Variants in OLR1 observed in about 807,000 individuals in gnomAD.
OLR1 encodes the protein oxidized low density lipoprotein receptor 1.
A neutral mutation model predicts 31.7 loss-of-function variants in OLR1; 23 were observed. The observed-to-expected ratio is 0.72, with a 90% confidence interval of 0.52 to 1.03. OLR1 has a LOEUF of 1.03. Ranked by LOEUF, OLR1 falls within the 50% of genes least tolerant of loss-of-function variation. OLR1 has a pLI of 0.00. For synonymous variants in OLR1, 117 were observed against 115.8 expected (o/e 1.01, Z -0.07); for missense variants, 286 against 315.7 (o/e 0.91, Z 0.71).
At chr12:10,167,164 C>T (rs1432980504) in intron 2 of OLR1, 8 of 509,504 alleles carry the variant, frequency 1.6e-5, no homozygotes, top group South Asian at 5.4e-5. Context: ...ATTGCAAACA[C>T]TTGTAATTTT....
rs144606551 is a variant in OLR1 at position 10,161,776 on chromosome 12, A to G, written c.425-851T>C. ...TTTTGAAAACTTAATTTGAAAAAGA[A>G]AAAGAATGTAAAATAGTCCATTAAA... On this transcript the variant is annotated intron_variant, in intron 3 of 5. Coordinates refer to ENST00000309539, the MANE Select transcript of OLR1 (RefSeq NM_002543.4). Among the ~76,000 whole-genome samples the G allele has an allele frequency of 2.7e-3, 408 of 152,250 alleles. 2 individuals carry two copies. The highest frequency in any genetic ancestry group is 8.3e-3 in the African/African-American group (346 of 41,540).
intron 3 of OLR1, 57 bp from the exon 4 acceptor site, chr12:10,160,982 A>G: frequency 2.0e-6 from 3 of 1,524,500 alleles, no homozygotes; most frequent in South Asian, 2.3e-5. Context: ...GCAGTACTGC[A>G]GTTCTTAAAT....
Position 10,158,927 on chromosome 12 carries a change from C to T in OLR1, c.*953G>A, listed in dbSNP as rs1462630464. The T allele has an allele frequency of 6.6e-6, 1 of 152,044 alleles. No individual in the cohort carries two copies. The highest frequency in any genetic ancestry group is 2.4e-5 in the African/African-American group (1 of 41,378). The allele number at this position is 152,044 out of a possible 1,614,324, so 9.4% of individuals were successfully genotyped here. A position where few individuals can be genotyped will look rare whatever the true frequency, so the allele number is the denominator to read the frequency against. On this transcript the variant is annotated 3_prime_UTR_variant, in exon 6 of 6. Transcript: ENST00000309539. Reference sequence around the variant, plus strand: ...AAAATAGAAGATATATTTCTAATTCCATCTGTTTCTATTCAGCGATATTTG... The same window carrying T: ...AAAATAGAAGATATATTTCTAATTCTATCTGTTTCTATTCAGCGATATTTG...
At chr12:10,167,985 A>G (rs1231695488) in intron 2 of OLR1, among the ~76,000 whole-genome samples, 1 of 152,220 alleles carries the variant, frequency 6.6e-6, no homozygotes, top group Non-Finnish European at 1.5e-5. Flanking sequence ...ACCACCACTA[A>G]GTCAAGGGCA....
At chr12:10,169,533 G>A (rs1176056357) in intron 1 of OLR1, among the ~76,000 whole-genome samples, 2 of 152,172 alleles carry the variant, frequency 1.3e-5, no homozygotes, top group African/African-American at 4.8e-5. Context: ...TCACAGTCTA[G>A]CTTGGTTGGA....
intron 1 of OLR1, among the ~76,000 whole-genome samples, chr12:10,171,517 A>G (rs1011416279): frequency 7.9e-5 from 12 of 152,350 alleles, no homozygotes; most frequent in African/African-American, 2.9e-4. Context: ...AGGTTTTTGT[A>G]GTGCCTGAAG....
At chr12:10,172,241 G>C, upstream of OLR1, 1 of 565,194 alleles carries the variant, frequency 1.8e-6, no homozygotes. Flanking sequence ...ATATTGGGAA[G>C]TTCGCTGACG....
chr12:10,161,944 T>TATATATATATATAA (rs1474284777), intron 3 of OLR1, among the ~76,000 whole-genome samples: 1 of 53,160 alleles, frequency 1.9e-5, no homozygotes, highest in Non-Finnish European at 4.3e-5. Context: ...TATATATATA[T>TATATATATATATAA]AAAAAACACA....
chr12:10,166,094 C>T (rs575281652), intron 3 of OLR1, among the ~76,000 whole-genome samples: 44 of 151,780 alleles, frequency 2.9e-4, no homozygotes, highest in African/African-American at 1.1e-3. Flanking sequence ...GTTTGTAATC[C>T]CAAGCACTTT....
rs752788678 is a variant in OLR1, at chr12:10,160,321, G to A, written c.680+26C>T. ...CAAAGAATAGGAAACTGACGAGAGA[G>A]GCATCAAAAAGAATGGGAAACTTAC... is the stretch of plus-strand genomic sequence containing the variant. On this transcript the variant is annotated intron_variant, in intron 5 of 5. Transcript: ENST00000309539. 7.1e-6 allele frequency: 11 copies of A among 1,540,364 alleles called. No homozygotes were observed. In the Admixed American group the frequency reaches 8.6e-5, roughly 12 times the overall value.
At position 10,172,062 on chromosome 12, in the gene OLR1, G is replaced by A. The variant is rs183354237; in HGVS notation, c.16C>T (p.Leu6=). Residue 6 remains leucine (L), a synonymous_variant, in exon 1 of 6, where the codon CTA becomes TTA. Coordinates refer to ENST00000309539, the MANE Select transcript of OLR1 (RefSeq NM_002543.4). The part of the protein sequence containing the change: MTFDD[L]KIQTVKDQPD... ...TGGTCCTTCACAGTCTGGATCTTTAGGTCATCAAAAGTCATTTCCAAATTC... is the reference window on the plus strand; with the variant it reads ...TGGTCCTTCACAGTCTGGATCTTTAAGTCATCAAAAGTCATTTCCAAATTC... 17 of 1,613,450 alleles carry A rather than the reference G, an allele frequency of 1.1e-5. No individual in the cohort carries two copies. In the African/African-American group the frequency reaches 2.0e-4, roughly 19 times the overall value.
At position 10,160,476 on chromosome 12, in the gene OLR1, T is replaced by C. The variant is rs3736235; in HGVS notation, c.565-14A>G. 721,811 of 1,584,552 alleles carry C rather than the reference T, an allele frequency of 0.46. 171,160 individuals are homozygous for C. Among genetic ancestry groups the C allele is most frequent in the Admixed American group, 0.52 (30,257 of 58,376 alleles). On this transcript the variant is annotated splice_polypyrimidine_tract_variant and intron_variant, in intron 4 of 5. Coordinates refer to ENST00000309539, the MANE Select transcript of OLR1 (RefSeq NM_002543.4). ...CTGGATGAAGTCCTGTGGGGAGTAA[T>C]GTTTCTGAGTTTGTGGAATCCACAT...
intron 1 of OLR1, chr12:10,170,283 G>T (rs2742113): frequency 0.4 from 60,297 of 151,932 alleles, 12,765 homozygotes; most frequent in East Asian, 0.56. Context: ...ACTTGACAGG[G>T]ATAAATATGG....
rs1019193521 is a variant in OLR1 at position 10,166,726 on chromosome 12, A to G, written c.410T>C (p.Val137Ala). ...NLNLQETLKRVANCSAPCPQD... is the reference protein window; with the variant it reads ...NLNLQETLKRAANCSAPCPQD... ...TCTCCCAATACCTGAACAATTTGCTACTCTCTTCAGTGTTTCTTGGAGATT... is the reference window on the plus strand; with the variant it reads ...TCTCCCAATACCTGAACAATTTGCTGCTCTCTTCAGTGTTTCTTGGAGATT... The change falls in exon 3 of 6, where the codon GTA becomes GCA. Residue 137 changes from valine (V) to alanine (A), a missense_variant. Val to Ala is a moderately conservative substitution (Grantham distance 64). Transcript: ENST00000309539. 1.2e-6 allele frequency: 2 copies of G among 1,613,788 alleles called. No individual in the cohort carries two copies. Among genetic ancestry groups the G allele is most frequent in the South Asian group, 2.2e-5 (2 of 91,082 alleles).
rs1350907023 is a variant in OLR1, at chr12:10,158,642, C to T, written c.*1238G>A. 1 of 152,168 alleles carries T rather than the reference C, an allele frequency of 6.6e-6. No individual in the cohort carries two copies. Among genetic ancestry groups the T allele is most frequent in the African/African-American group, 2.4e-5 (1 of 41,428 alleles). 9.4% of individuals were successfully genotyped at this position (152,168 alleles called of 1,614,324 possible). On this transcript the variant is annotated 3_prime_UTR_variant, in exon 6 of 6. Transcript: ENST00000309539. ...TTGAGGGATGATGGATATGTTCACT[C>T]TCTTAATTGTAGTATGCATGTTCTC...
chr12:10,173,608 C>G (rs1948742704), upstream of OLR1, among the ~76,000 whole-genome samples: 1 of 151,642 alleles, frequency 6.6e-6, no homozygotes, highest in African/African-American at 2.4e-5. Context: ...CTGTTGAAAC[C>G]CTGTCACCAC....
intron 5 of OLR1, 83 bp from the exon 6 acceptor site, chr12:10,160,104 C>T (rs1948607746): frequency 4.1e-6 from 6 of 1,457,358 alleles, no homozygotes; most frequent in African/African-American, 1.4e-5. Context: ...GCTTTTGAAA[C>T]TTTTTGTCTT....
chr12:10,169,312 T>C, intron 1 of OLR1, 137 bp from the exon 2 acceptor site: 1 of 515,296 alleles, frequency 1.9e-6, no homozygotes, highest in Non-Finnish European at 3.4e-6. Context: ...TTGCATTCCA[T>C]ACCACTAGTC....
intron 3 of OLR1, among the ~76,000 whole-genome samples, chr12:10,165,749 C>T (rs2010655): frequency 0.57 from 86,441 of 150,768 alleles, 25,709 homozygotes; most frequent in Non-Finnish European, 0.65. Context: ...TGTGACACAG[C>T]GAGACTGTCT....
Sources: allele counts gnomAD v4.1 joint callset (sites outside exome capture counted in the v4.1 genomes callset), GRCh38; gene constraint gnomAD v4.1.1; transcripts MANE v1.5; gene names NCBI Gene and HGNC (gene_info 2026-07-23, HGNC 2026-07-21).